Variants in ADGRD1 observed in about 807,000 individuals in gnomAD.
ADGRD1 encodes the protein G-protein coupled receptor 133.
Under a neutral mutation model 113.4 loss-of-function variants are expected in ADGRD1, and 77 were observed. The ratio of observed to expected loss-of-function variants is 0.68; its 90% CI spans 0.57 to 0.82. The LOEUF (loss-of-function observed/expected upper bound fraction) is 0.82, where lower values mean the gene tolerates loss of function less well. Among genes scored for constraint, ADGRD1 ranks in the 40% least tolerant of loss-of-function variants. ADGRD1 has a pLI of 0.00. For synonymous variants in ADGRD1, 474 were observed against 475.0 expected, an observed-to-expected ratio of 1.00 and a Z score of 0.03; for missense variants, 1,036 against 1,139.1, an observed-to-expected ratio of 0.91 and a Z score of 1.30.
intron 4 of ADGRD1, among the ~76,000 whole-genome samples, chr12:130,979,719 C>A (rs554395011): frequency 6.6e-6 from 1 of 152,136 alleles, no homozygotes; most frequent in Admixed American, 6.5e-5. Context: ...CACCACTGAA[C>A]CCTCTTACCC....
intron 2 of ADGRD1, chr12:130,956,412 A>C (rs929717267): frequency 6.6e-6 from 1 of 152,266 alleles, no homozygotes; most frequent in Non-Finnish European, 1.5e-5. Flanking sequence ...GAGTTTCCAC[A>C]CATTCCCCTC....
intron 8 of ADGRD1, among the ~76,000 whole-genome samples, chr12:130,997,390 GC>G (rs1875691674): frequency 8.9e-6 from 1 of 112,774 alleles, no homozygotes; most frequent in African/African-American, 3.6e-5. Flanking sequence ...GGGCGGAGGG[GC>G]TCCTCACTTC....
intron 6 of ADGRD1, 55 bp from the exon 7 acceptor site, chr12:130,990,959 C>T (rs1874300507): frequency 5.1e-6 from 7 of 1,384,798 alleles, no homozygotes; most frequent in Admixed American, 1.7e-5. Flanking sequence ...AGGTCTTCCT[C>T]GTGGTGAAAA....
At chr12:131,034,032 C>T (rs1426688238) in intron 13 of ADGRD1, among the ~76,000 whole-genome samples, 2 of 152,208 alleles carry the variant, frequency 1.3e-5, no homozygotes, top group African/African-American at 2.4e-5. Context: ...TCACTGTCTA[C>T]CCCGGAGGCC....
At chr12:131,081,087 A>G (rs1886037326) in intron 14 of ADGRD1, among the ~76,000 whole-genome samples, 1 of 152,216 alleles carries the variant, frequency 6.6e-6, no homozygotes, top group Non-Finnish European at 1.5e-5. Flanking sequence ...TTTAATTTAG[A>G]TAAAACTACT....
At chr12:130,992,483 A>T in intron 8 of ADGRD1, 91 bp downstream of exon 8, 1 of 1,169,448 alleles carries the variant, frequency 8.6e-7, no homozygotes, top group Non-Finnish European at 1.2e-6. Context: ...ATCGAGTTTA[A>T]AAAAAGCAGG....
At chr12:130,960,485 T>C (rs1318827841) in intron 2 of ADGRD1, among the ~76,000 whole-genome samples, 2 of 152,226 alleles carry the variant, frequency 1.3e-5, no homozygotes, top group Non-Finnish European at 2.9e-5. Context: ...ATTGAAGAAA[T>C]GGAAATTTGG....
chr12:131,080,847 C>G (rs1886011382), intron 14 of ADGRD1, among the ~76,000 whole-genome samples: 2 of 152,208 alleles, frequency 1.3e-5, no homozygotes, highest in South Asian at 4.1e-4. Context: ...GTCTCGATCT[C>G]CTGACCTCGT....
chr12:131,118,246 A>T (rs1429527792), intron 18 of ADGRD1, 139 bp from the exon 19 acceptor site: 1 of 641,080 alleles, frequency 1.6e-6, no homozygotes, highest in Non-Finnish European at 2.8e-6. Flanking sequence ...CTGTGTCCCA[A>T]CAATTAGCAC....
rs1003792274 is a variant in ADGRD1, at chr12:131,041,937, G to A, written c.1473+27597G>A. 1.3e-5 allele frequency among the ~76,000 whole-genome samples: 2 copies of A among 152,042 alleles called. No homozygotes were observed. The highest frequency in any genetic ancestry group is 1.5e-5 in the Non-Finnish European group (1 of 67,986). The stretch of plus-strand genomic sequence containing the variant: ...TCGGGTTTGTTATCCGAGTCCCCCT[G>A]CGAGGAGAAGGCGCCGATGACCTAG... On this transcript the variant is annotated intron_variant, in intron 13 of 24. Coordinates refer to ENST00000261654, the MANE Select transcript of ADGRD1 (RefSeq NM_198827.5). This position sits in a 1 kb window ranked among gnomAD's most constrained non-coding sequence, Gnocchi z 4.4.
At chr12:130,967,038 G>C (rs928434840) in intron 3 of ADGRD1, 3 of 455,752 alleles carry the variant, frequency 6.6e-6, no homozygotes, top group Non-Finnish European at 1.3e-5. Context: ...ACAGAAGCTG[G>C]CCTGAGGATG....
At chr12:130,955,730 A>G (rs1411316003) in intron 2 of ADGRD1, among the ~76,000 whole-genome samples, 1 of 152,128 alleles carries the variant, frequency 6.6e-6, no homozygotes, top group Non-Finnish European at 1.5e-5. Flanking sequence ...CCCGAGCGCT[A>G]TTGTATGGCC....
At position 131,136,035 on chromosome 12, in the gene ADGRD1, A is replaced by G; in HGVS notation, c.2268-2A>G. On this transcript the variant is annotated splice_acceptor_variant, in intron 21 of 24. Transcript: ENST00000261654. LOFTEE classifies it high-confidence loss of function. The stretch of plus-strand genomic sequence containing the variant: ...AGGGTGACTGTCACTGTTTCTCTCC[A>G]GGTTGACAGCCAAGGCAGTGGCCGT... 7 of 1,614,036 alleles carry G rather than the reference A, an allele frequency of 4.3e-6. No individual in the cohort carries two copies. Among genetic ancestry groups the G allele is most frequent in the Non-Finnish European group, 5.9e-6 (7 of 1,179,964 alleles).
intron 20 of ADGRD1, among the ~76,000 whole-genome samples, chr12:131,131,143 C>T (rs953383776): frequency 1.3e-5 from 2 of 152,190 alleles, no homozygotes; most frequent in Non-Finnish European, 2.9e-5. Context: ...AAGCCTCTGC[C>T]GGGGCCCCTC....
chr12:130,999,714 A>G (rs1876097564), intron 8 of ADGRD1, among the ~76,000 whole-genome samples: 1 of 152,092 alleles, frequency 6.6e-6, no homozygotes, highest in Non-Finnish European at 1.5e-5. Flanking sequence ...TGGGCTGGGG[A>G]CACATCCACT....
chr12:131,127,332 G>C (rs1432866061), intron 20 of ADGRD1, among the ~76,000 whole-genome samples: 1 of 152,198 alleles, frequency 6.6e-6, no homozygotes, highest in African/African-American at 2.4e-5. Flanking sequence ...TCATCCTTTC[G>C]GTGGCCTTGT....
chr12:131,116,950 C>A (rs1003491613), intron 18 of ADGRD1, among the ~76,000 whole-genome samples: 1 of 152,222 alleles, frequency 6.6e-6, no homozygotes, highest in Non-Finnish European at 1.5e-5. Flanking sequence ...AAAGCTCACA[C>A]GTGCGTGTGG....
At chr12:131,024,264 A>T (rs570917001) in intron 13 of ADGRD1, 3 of 152,364 alleles carry the variant, frequency 2.0e-5, no homozygotes, top group African/African-American at 7.2e-5. Context: ...AGGGTCAGAG[A>T]GGCCCACATG....
intron 15 of ADGRD1, among the ~76,000 whole-genome samples, chr12:131,088,696 G>A: frequency 6.6e-6 from 1 of 152,184 alleles, no homozygotes; most frequent in Non-Finnish European, 1.5e-5. Flanking sequence ...GAGAGGTGGC[G>A]GAGGCTGCTG....
Sources: allele counts gnomAD v4.1 joint callset (sites outside exome capture counted in the v4.1 genomes callset), GRCh38; gene constraint gnomAD v4.1.1; non-coding constraint Gnocchi (gnomAD v3.1); transcripts MANE v1.5; gene names NCBI Gene and HGNC (gene_info 2026-07-23, HGNC 2026-07-21).